The following ATP6V0A4 variants were observed in gnomAD, a reference collection of about 807,000 sequenced individuals.
The protein encoded by ATP6V0A4 is ATPase H+ transporting V0 subunit a4, also known as V-type proton ATPase 116 kDa subunit a 4.
ATP6V0A4 carries 86 observed loss-of-function variants against 107.3 expected under a neutral mutation model. The ratio of observed to expected loss-of-function variants is 0.80; its 90% CI spans 0.67 to 0.96. The LOEUF is 0.96. ATP6V0A4 is among the 40% of genes least tolerant of loss of function. The pLI is 0.00. For synonymous variants in ATP6V0A4, 353 were observed against 381.4 expected (o/e 0.93, Z 0.87); for missense variants, 908 against 1,045.6 (o/e 0.87, Z 1.81).
chr7:138,766,121 G>A (rs1041123400), intron 5 of ATP6V0A4, among the ~76,000 whole-genome samples: 10 of 151,954 alleles, frequency 6.6e-5, no homozygotes, highest in Non-Finnish European at 2.9e-5. Flanking sequence ...AAGGACTTGT[G>A]CACACATCTG....
intron 19 of ATP6V0A4, among the ~76,000 whole-genome samples, chr7:138,718,449 A>G (rs1237761812): frequency 1.9e-3 from 101 of 52,724 alleles, no homozygotes; most frequent in Admixed American, 3.0e-3. Context: ...GGAGGGAGAC[A>G]TCCAGGAAGG....
At chr7:138,763,263 C>T (rs1426877038) in intron 5 of ATP6V0A4, among the ~76,000 whole-genome samples, 1 of 152,002 alleles carries the variant, frequency 6.6e-6, no homozygotes, top group East Asian at 1.9e-4. Context: ...TTAGGAAGTA[C>T]TTGGAGGAGT....
intron 20 of ATP6V0A4, among the ~76,000 whole-genome samples, chr7:138,713,176 GC>G (rs1330823922): frequency 1.3e-5 from 2 of 150,948 alleles, no homozygotes; most frequent in African/African-American, 4.9e-5. Flanking sequence ...ATGGTGGTGT[GC>G]ACCTGTAGTC....
intron 14 of ATP6V0A4, among the ~76,000 whole-genome samples, chr7:138,743,004 A>C (rs927949712): frequency 3.3e-5 from 5 of 151,620 alleles, no homozygotes; most frequent in Admixed American, 3.3e-4. Flanking sequence ...TAAGGTGGGG[A>C]ATCCCATCTC....
rs3734938 is a variant in ATP6V0A4, at chr7:138,739,301, T to C, written c.1572+239A>G. Among the ~76,000 whole-genome samples the C allele has an allele frequency of 0.56, 82,988 of 147,534 alleles. 23,486 individuals carry two copies. Among genetic ancestry groups the C allele is most frequent in the East Asian group, 0.92 (4,725 of 5,156 alleles). On this transcript the variant is annotated intron_variant, in intron 15 of 21. Coordinates refer to ENST00000310018, the MANE Select transcript of ATP6V0A4 (RefSeq NM_020632.3). ...CAGTTATTAACCACCAGGGATATGA[T>C]TGATGGAGAAAGAGGCAGACGTTTG...
At chr7:138,735,061 G>A (rs1805245064) in intron 15 of ATP6V0A4, among the ~76,000 whole-genome samples, 1 of 152,148 alleles carries the variant, frequency 6.6e-6, no homozygotes, top group East Asian at 1.9e-4. Context: ...AAACAGCACT[G>A]CCAGGTGGGG....
chr7:138,709,870 A>C, intron 20 of ATP6V0A4, 75 bp from the exon 21 acceptor site: 5 of 1,462,226 alleles, frequency 3.4e-6, no homozygotes, highest in Middle Eastern at 2.1e-4. Flanking sequence ...TCATCTTTTT[A>C]ATTAAAAATA....
intron 20 of ATP6V0A4, among the ~76,000 whole-genome samples, chr7:138,715,337 G>C (rs1003634005): frequency 3.3e-5 from 5 of 152,086 alleles, no homozygotes; most frequent in African/African-American, 1.2e-4. Context: ...AGTAGCTAGA[G>C]TTACAGGCAC....
In ATP6V0A4 at chr7:138,755,671, C is replaced by A. The variant is rs1363585296; in HGVS notation, c.816+18G>T. The A allele has an allele frequency of 6.2e-7, 1 of 1,613,222 alleles. No individual in the cohort carries two copies. Among genetic ancestry groups the A allele is most frequent in the Non-Finnish European group, 8.5e-7 (1 of 1,180,006 alleles). On this transcript the variant is annotated intron_variant, in intron 10 of 21. Transcript: ENST00000310018. ...CCTGCAGCTGCCATCAGACCATGCGCCCAAACCCCTCACTCACGGTGATTA... is the reference window on the plus strand; with the variant it reads ...CCTGCAGCTGCCATCAGACCATGCGACCAAACCCCTCACTCACGGTGATTA...
intron 19 of ATP6V0A4, among the ~76,000 whole-genome samples, chr7:138,719,078 C>T (rs1470929460): frequency 6.6e-6 from 1 of 152,006 alleles, no homozygotes; most frequent in African/African-American, 2.4e-5. Flanking sequence ...CCCAGCTACT[C>T]GGGAGGCTGA....
chr7:138,733,212 G>A, intron 16 of ATP6V0A4, 119 bp from the exon 17 acceptor site: 4 of 1,484,810 alleles, frequency 2.7e-6, no homozygotes, highest in Non-Finnish European at 2.7e-6. Context: ...TTGCACTACT[G>A]GCAAACAACG....
chr7:138,719,190 T>C (rs372962128), intron 19 of ATP6V0A4, among the ~76,000 whole-genome samples: 2 of 152,126 alleles, frequency 1.3e-5, no homozygotes, highest in Admixed American at 6.6e-5. Flanking sequence ...TGTCTCAAAA[T>C]AGTAATTATA....
intron 19 of ATP6V0A4, among the ~76,000 whole-genome samples, chr7:138,721,524 ACT>A (rs1352178760): frequency 6.6e-6 from 1 of 151,988 alleles, no homozygotes; most frequent in Non-Finnish European, 1.5e-5. Context: ...ACAGAGTGAG[ACT>A]CTATCTCAAA....
At chr7:138,772,003 C>T (rs1478089057) in intron 2 of ATP6V0A4, among the ~76,000 whole-genome samples, 1 of 152,214 alleles carries the variant, frequency 6.6e-6, no homozygotes, top group African/African-American at 2.4e-5. Context: ...TCGAATGTCA[C>T]TCTAGAACTC....
chr7:138,713,614 G>T (rs1803864807), intron 20 of ATP6V0A4, among the ~76,000 whole-genome samples: 1 of 152,146 alleles, frequency 6.6e-6, no homozygotes, highest in Non-Finnish European at 1.5e-5. Context: ...ATTGAAGCTA[G>T]GTTAAGAGCA....
chr7:138,776,332 G>GAGGAA (rs1807657139), intron 2 of ATP6V0A4, among the ~76,000 whole-genome samples: 1 of 152,198 alleles, frequency 6.6e-6, no homozygotes, highest in Admixed American at 6.5e-5. Context: ...CTGTACCCTG[G>GAGGAA]AGGAAAGGAG....
At chr7:138,790,068 A>T (rs1808339822) in intron 1 of ATP6V0A4, among the ~76,000 whole-genome samples, 2 of 152,222 alleles carry the variant, frequency 1.3e-5, no homozygotes, top group African/African-American at 4.8e-5. Flanking sequence ...ACAAAAAAGT[A>T]TTAAAAACAA....
intron 10 of ATP6V0A4, among the ~76,000 whole-genome samples, chr7:138,753,706 C>T (rs548168181): frequency 6.6e-6 from 1 of 152,272 alleles, no homozygotes; most frequent in African/African-American, 2.4e-5. Context: ...GACATGCTGG[C>T]TCTAAGATTA....
chr7:138,731,901 A>AAAAT (rs59314409), intron 17 of ATP6V0A4, among the ~76,000 whole-genome samples: 32,929 of 146,536 alleles, frequency 0.22, 3,873 homozygotes, highest in Middle Eastern at 0.29. Context: ...TCCAAAAATA[A>AAAAT]AAATAAATAA....
Sources: gnomAD v4.1 joint callset for allele counts (sites outside exome capture counted in the v4.1 genomes callset) on GRCh38, gnomAD v4.1.1 for gene constraint, MANE v1.5 for transcripts, NCBI Gene and HGNC (gene_info 2026-07-23, HGNC 2026-07-21) for gene names.